The following UHRF1 variants were observed in gnomAD, a reference collection of about 807,000 sequenced individuals.
UHRF1 encodes the protein E3 ubiquitin-protein ligase UHRF1.
In UHRF1, 9 loss-of-function variants were observed where a neutral mutation model predicts 96.5. That is an observed-to-expected ratio of 0.09 (90% CI 0.06 to 0.16). The LOEUF is 0.16. Among genes scored for constraint, UHRF1 ranks in the 10% least tolerant of loss-of-function variants. UHRF1 has a pLI of 1.00. For synonymous variants in UHRF1, 455 were observed against 469.9 expected (o/e 0.97, Z 0.41); for missense variants, 626 against 1,131.1 (o/e 0.55, Z 6.40).
At chr19:4,942,059 G>A in intron 7 of UHRF1, 128 bp downstream of exon 7, 1 of 1,063,430 alleles carries the variant, frequency 9.4e-7, no homozygotes. Context: ...GCTTTGGGAG[G>A]CCGAGGCGGG....
Position 4,930,658 on chromosome 19 carries a change from G to T in UHRF1, c.409-58G>T. On this transcript the variant is annotated intron_variant, in intron 3 of 16. Coordinates refer to ENST00000650932, the MANE Select transcript of UHRF1 (RefSeq NM_001048201.3). This position sits in a 1 kb window ranked among gnomAD's most constrained non-coding sequence, Gnocchi z 4.4. Reference sequence around the variant, plus strand: ...ATCCCAGTGTCCGAGAACCAAGGTGGTCTCCCGTCAGTTTTCCTCACCCCG... The same window carrying T: ...ATCCCAGTGTCCGAGAACCAAGGTGTTCTCCCGTCAGTTTTCCTCACCCCG... The T allele has an allele frequency of 6.4e-7, 1 of 1,573,616 alleles. No individual in the cohort carries two copies. Among genetic ancestry groups the T allele is most frequent in the Non-Finnish European group, 8.7e-7 (1 of 1,155,712 alleles).
upstream of UHRF1, among the ~76,000 whole-genome samples, chr19:4,905,108 C>CT (rs61443004): frequency 0.027 from 2,615 of 95,214 alleles, 315 homozygotes; most frequent in African/African-American, 0.081. Context: ...CGTAAACTTT[C>CT]TTTTTTTTTT....
chr19:4,960,185 A>G (rs1159669237), intron 16 of UHRF1, among the ~76,000 whole-genome samples: 1 of 152,218 alleles, frequency 6.6e-6, no homozygotes, highest in Non-Finnish European at 1.5e-5. Flanking sequence ...TCTACTGTAT[A>G]CACTGTGCTT....
chr19:4,923,949 C>A (rs2032784405), intron 2 of UHRF1, among the ~76,000 whole-genome samples: 2 of 152,062 alleles, frequency 1.3e-5, no homozygotes. Flanking sequence ...TTTTCCTGAC[C>A]CAGTGATATT....
intron 5 of UHRF1, among the ~76,000 whole-genome samples, chr19:4,938,231 T>C (rs1430654879): frequency 1.3e-5 from 2 of 151,996 alleles, no homozygotes; most frequent in South Asian, 2.1e-4. Flanking sequence ...CTTTTATGAA[T>C]TGAATTTCTT....
intron 2 of UHRF1, among the ~76,000 whole-genome samples, chr19:4,912,773 TC>T (rs2032334426): frequency 6.6e-6 from 1 of 152,056 alleles, no homozygotes; most frequent in Non-Finnish European, 1.5e-5. Flanking sequence ...TTGTTGTTGT[TC>T]CTATTTGAGA....
chr19:4,956,314 C>G lies in UHRF1; in HGVS notation c.2131-395C>G, dbSNP rs550435863. On this transcript the variant is annotated intron_variant, in intron 15 of 16. Transcript: ENST00000650932. ...CACCTGGCTCAAGCGATCCTCTTGTCTTGGCCTTCCAAAGTTCTGGGATGA... is the reference window on the plus strand; with the variant it reads ...CACCTGGCTCAAGCGATCCTCTTGTGTTGGCCTTCCAAAGTTCTGGGATGA... 3.9e-5 allele frequency among the ~76,000 whole-genome samples: 6 copies of G among 152,384 alleles called. No individual in the cohort carries two copies. In the East Asian group the frequency reaches 7.7e-4, roughly 20 times the overall value.
chr19:4,940,174 C>T, intron 5 of UHRF1, among the ~76,000 whole-genome samples: 1 of 151,944 alleles, frequency 6.6e-6, no homozygotes, highest in South Asian at 2.1e-4. Context: ...TTACTTCCAC[C>T]TATGTTTACC....
intron 5 of UHRF1, among the ~76,000 whole-genome samples, chr19:4,934,590 G>A (rs1374627701): frequency 6.6e-6 from 1 of 152,214 alleles, no homozygotes; most frequent in African/African-American, 2.4e-5. Flanking sequence ...GTCACTGAGT[G>A]TGATGTCCTT....
At position 4,941,489 on chromosome 19, in the gene UHRF1, C is replaced by T. The variant is rs560569165; in HGVS notation, c.786-39C>T. On this transcript the variant is annotated intron_variant, in intron 5 of 16. Transcript: ENST00000650932. ...GTGCTGTGAGTAGATTTAGGGGCCT[C>T]GGCAGGCCAGAATGTTCCAGCGTCC... 4.6e-5 allele frequency: 72 copies of T among 1,551,396 alleles called. No homozygotes were observed. The South Asian group carries it at 6.6e-4, about 14-fold the overall frequency.
rs1891279164 is a variant in UHRF1 at position 4,909,561 on chromosome 19, G to A, written c.-105G>A. 2 of 658,442 alleles carry A rather than the reference G, an allele frequency of 3.0e-6. No homozygotes were observed. Among genetic ancestry groups the A allele is most frequent in the East Asian group, 6.4e-5 (2 of 31,078 alleles). 40.8% of individuals were successfully genotyped at this position (658,442 alleles called of 1,614,324 possible). ...AGCGGGCGCTCCGGGTCGCACGCAA[G>A]TCCGCGCGGGGTCCGGGCCACGCAC... is the stretch of plus-strand genomic sequence containing the variant. On this transcript the variant is annotated 5_prime_UTR_variant, in exon 1 of 17. Transcript: ENST00000650932.
intron 2 of UHRF1, among the ~76,000 whole-genome samples, chr19:4,919,505 T>C (rs1407471960): frequency 6.6e-6 from 1 of 151,990 alleles, no homozygotes; most frequent in Non-Finnish European, 1.5e-5. Flanking sequence ...AGTTTCACTG[T>C]GTTAGCCAGG....
intron 9 of UHRF1, 66 bp downstream of exon 9, chr19:4,944,516 C>G: frequency 6.3e-7 from 1 of 1,580,582 alleles, no homozygotes; most frequent in Non-Finnish European, 8.7e-7. Flanking sequence ...GGGGCAGTTT[C>G]TCCTGGCTTT....
intron 4 of UHRF1, 185 bp from the exon 5 acceptor site, chr19:4,932,556 C>G: frequency 1.6e-6 from 1 of 633,524 alleles, no homozygotes; most frequent in East Asian, 2.8e-5. Flanking sequence ...CACGGGCAAC[C>G]CATAACAATT....
intron 2 of UHRF1, among the ~76,000 whole-genome samples, chr19:4,919,813 T>G (rs1011577693): frequency 3.3e-5 from 5 of 149,820 alleles, no homozygotes; most frequent in African/African-American, 1.3e-4. Flanking sequence ...AAATTATTAT[T>G]ATTGTTAATA....
At chr19:4,924,718 C>G (rs760751975) in intron 2 of UHRF1, among the ~76,000 whole-genome samples, 5 of 152,216 alleles carry the variant, frequency 3.3e-5, no homozygotes, top group Non-Finnish European at 7.3e-5. Flanking sequence ...CAGCCTCCCC[C>G]ACAGAGCGGT....
At chr19:4,916,829 C>G (rs1242379514) in intron 2 of UHRF1, among the ~76,000 whole-genome samples, 3 of 152,180 alleles carry the variant, frequency 2.0e-5, no homozygotes. Context: ...TCACTTCCTT[C>G]CCCCCAGGTC....
At chr19:4,922,511 TC>T (rs990638219) in intron 2 of UHRF1, among the ~76,000 whole-genome samples, 16 of 150,300 alleles carry the variant, frequency 1.1e-4, no homozygotes, top group African/African-American at 3.9e-4. Flanking sequence ...AGGTGATCCA[TC>T]CGCCCTCGGC....
At chr19:4,916,188 C>A (rs2146294766) in intron 2 of UHRF1, among the ~76,000 whole-genome samples, 1 of 152,132 alleles carries the variant, frequency 6.6e-6, no homozygotes, top group Non-Finnish European at 1.5e-5. Context: ...TGCCTGTAGT[C>A]CTAGCTACTC....
Sources: allele counts gnomAD v4.1 joint callset (sites outside exome capture counted in the v4.1 genomes callset), GRCh38; gene constraint gnomAD v4.1.1; non-coding constraint Gnocchi (gnomAD v3.1); transcripts MANE v1.5; gene names NCBI Gene and HGNC (gene_info 2026-07-23, HGNC 2026-07-21).